Variants in MTIF3 observed in about 807,000 individuals in gnomAD.
MTIF3 encodes translation initiation factor IF-3, mitochondrial.
MTIF3 carries 13 observed loss-of-function variants against 20.7 expected under a neutral mutation model. That is an observed-to-expected ratio of 0.63 (90% confidence interval 0.41 to 1.00). MTIF3 has a LOEUF of 1.00. MTIF3 is among the 50% of genes least tolerant of loss of function. The pLI, the probability that MTIF3 is intolerant of heterozygous loss-of-function variation, is 0.00. For synonymous variants in MTIF3, 114 were observed against 112.5 expected, an observed-to-expected ratio of 1.01 and a Z score of -0.08; for missense variants, 295 against 324.5, an observed-to-expected ratio of 0.91 and a Z score of 0.70.
At chr13:27,438,483 GTTTTTT>G (rs61052475) in intron 3 of MTIF3, among the ~76,000 whole-genome samples, 27 of 107,134 alleles carry the variant, frequency 2.5e-4, no homozygotes, top group African/African-American at 5.5e-4. Context: ...GAGCAAGACT[GTTTTTT>G]TTTTTTTTTT....
intron 4 of MTIF3, 124 bp from the exon 5 acceptor site, chr13:27,436,017 T>C: frequency 1.4e-6 from 1 of 700,984 alleles, no homozygotes; most frequent in East Asian, 2.7e-5. Context: ...AGTGATTAGC[T>C]AATCAGTTCA....
intron 3 of MTIF3, 55 bp from the exon 4 acceptor site, chr13:27,437,328 G>T: frequency 2.0e-6 from 3 of 1,497,724 alleles, no homozygotes; most frequent in Non-Finnish European, 1.8e-6. Flanking sequence ...TGTGAACCCT[G>T]AACTTCCCAA....
At chr13:27,436,766 T>G (rs1024275264) in intron 4 of MTIF3, among the ~76,000 whole-genome samples, 6 of 146,922 alleles carry the variant, frequency 4.1e-5, no homozygotes, top group African/African-American at 1.5e-4. Context: ...TTTTTTTTTT[T>G]TTTGAGACGG....
chr13:27,448,966 G>A (rs1954265422), intron 1 of MTIF3, among the ~76,000 whole-genome samples: 2 of 139,878 alleles, frequency 1.4e-5, no homozygotes, highest in Admixed American at 7.4e-5. Context: ...ACTTGAACCC[G>A]GGAAGCAGAG....
rs1954334576 is a variant in MTIF3, at chr13:27,450,491, C to G, written c.-71+18G>C. The G allele has an allele frequency of 2.0e-5, 3 of 152,502 alleles. No homozygotes were observed. The highest frequency in any genetic ancestry group is 2.0e-4 in the Admixed American group (3 of 15,290). The allele number at this position is 152,502 out of a possible 1,614,324, so 9.4% of individuals were successfully genotyped here. A position where few individuals can be genotyped will look rare whatever the true frequency, so the allele number is the denominator to read the frequency against. ...GCCGGTCCGCGCACCGCTCCGCACGCCTCATATTTAGCATTACCTGTGCTG... is the reference window on the plus strand; with the variant it reads ...GCCGGTCCGCGCACCGCTCCGCACGGCTCATATTTAGCATTACCTGTGCTG... On this transcript the variant is annotated intron_variant, in intron 1 of 4. Transcript: ENST00000381120.
intron 1 of MTIF3, among the ~76,000 whole-genome samples, chr13:27,446,520 T>C (rs1954186023): frequency 6.6e-6 from 1 of 152,214 alleles, no homozygotes; most frequent in African/African-American, 2.4e-5. Context: ...GTTATACGGG[T>C]GTTCAATAAT....
intron 4 of MTIF3, 29 bp downstream of exon 4, chr13:27,437,087 A>G: frequency 6.2e-7 from 1 of 1,605,778 alleles, no homozygotes; most frequent in Non-Finnish European, 8.5e-7. Flanking sequence ...CCCAAAGCAC[A>G]AGCAGTGGCT....
chr13:27,450,077 T>C (rs1208167057), intron 1 of MTIF3: 1 of 152,312 alleles, frequency 6.6e-6, no homozygotes, highest in Non-Finnish European at 1.5e-5. Context: ...TGCCAGGCAG[T>C]AAGCCGCAAG....
chr13:27,445,769 G>C (rs890844366), intron 1 of MTIF3, among the ~76,000 whole-genome samples: 3 of 152,186 alleles, frequency 2.0e-5, no homozygotes, highest in Non-Finnish European at 4.4e-5. Flanking sequence ...ACCTGAACCT[G>C]ATGCAGGGTC....
chr13:27,441,520 C>T (rs1399210440), intron 2 of MTIF3, among the ~76,000 whole-genome samples: 1 of 152,224 alleles, frequency 6.6e-6, no homozygotes, highest in Non-Finnish European at 1.5e-5. Context: ...GTGTTAATTA[C>T]TACCAAATGT....
At position 27,435,714 on chromosome 13, in the gene MTIF3, G is replaced by A. The variant is rs7669; in HGVS notation, c.798C>T (p.Asp266=). 272,743 of 1,613,172 alleles carry A rather than the reference G, an allele frequency of 0.17. 24,505 individuals carry two copies. Among genetic ancestry groups the A allele is most frequent in the Non-Finnish European group, 0.18 (216,001 of 1,179,300 alleles). ...ETQERDTLNK[D]HGNDKESNVL... The stretch of plus-strand genomic sequence containing the variant: ...CATTTGATTCCTTATCATTTCCATG[G>A]TCTTTGTTCAAAGTGTCTCTTTCCT... Residue 266 remains aspartate (D), a synonymous_variant, in exon 5 of 5, where the codon GAC becomes GAT. Transcript: ENST00000381120.
intron 1 of MTIF3, among the ~76,000 whole-genome samples, chr13:27,447,720 G>C (rs999331414): frequency 2.4e-4 from 3 of 12,650 alleles, no homozygotes; most frequent in African/African-American, 1.1e-3. Flanking sequence ...CTATTGTTCT[G>C]ATTTTTTCCC....
At chr13:27,446,062 TTC>T (rs1182529230) in intron 1 of MTIF3, among the ~76,000 whole-genome samples, 6 of 146,666 alleles carry the variant, frequency 4.1e-5, no homozygotes, top group Admixed American at 4.0e-4. Context: ...ATTTTCTTTT[TTC>T]TTTTTTTTTT....
chr13:27,443,066 G>A (rs989385077), intron 2 of MTIF3, among the ~76,000 whole-genome samples: 9 of 152,198 alleles, frequency 5.9e-5, no homozygotes, highest in Non-Finnish European at 1.0e-4. Flanking sequence ...CTACACCTTC[G>A]GATGTGTCAC....
At chr13:27,450,443 C>T (rs1310692337) in intron 1 of MTIF3, 66 bp downstream of exon 1, 1 of 152,470 alleles carries the variant, frequency 6.6e-6, no homozygotes, top group Non-Finnish European at 1.5e-5. Context: ...CAGGGGCGCC[C>T]CCTAAGGCCA....
At position 27,445,107 on chromosome 13, in the gene MTIF3, A is replaced by G. The variant is rs1954134995; in HGVS notation, c.-21T>C. The G allele has an allele frequency of 6.6e-6, 1 of 152,248 alleles. No individual in the cohort carries two copies. The highest frequency in any genetic ancestry group is 2.4e-5 in the African/African-American group (1 of 41,466). 9.4% of individuals were successfully genotyped at this position (152,248 alleles called of 1,614,324 possible). ...TCCTACCTTTTTTAGGAAGAACTGT[A>G]ATCATCCCCAGTTGATGAGGAGAAG... On this transcript the variant is annotated 5_prime_UTR_variant, in exon 2 of 5. Coordinates refer to ENST00000381120, the MANE Select transcript of MTIF3 (RefSeq NM_152912.5).
chr13:27,450,383 C>G (rs991737510), intron 1 of MTIF3, 126 bp downstream of exon 1: 2 of 151,314 alleles, frequency 1.3e-5, no homozygotes. Flanking sequence ...CCTCTCCGCC[C>G]TCGGTACCGG....
In MTIF3 at chr13:27,435,885, T is replaced by C. The variant is rs1232511274; in HGVS notation, c.627A>G (p.Ile209Met). 2 of 1,609,372 alleles carry C rather than the reference T, an allele frequency of 1.2e-6. No homozygotes were observed. Among genetic ancestry groups the C allele is most frequent in the South Asian group, 1.1e-5 (1 of 90,780 alleles). Reference sequence around the variant, plus strand: ...GCATAGTCTGGAGTATTTGATGAAATATCTCCTCCTAAAAAAGGGAAACAG... The same window carrying C: ...GCATAGTCTGGAGTATTTGATGAAACATCTCCTCCTAAAAAAGGGAAACAG... The part of the protein sequence containing the change: ...VDVSENEMEE[I>M]FHQILQTMPG... The change falls in exon 5 of 5, where the codon ATA (isoleucine) becomes ATG (methionine). Residue 209 changes from isoleucine (I) to methionine (M), a missense_variant. Ile to Met is a conservative substitution (Grantham distance 10). Coordinates refer to ENST00000381120, the MANE Select transcript of MTIF3 (RefSeq NM_152912.5).
intron 1 of MTIF3, among the ~76,000 whole-genome samples, chr13:27,446,560 C>A (rs191193943): frequency 6.6e-6 from 1 of 152,094 alleles, no homozygotes; most frequent in African/African-American, 2.4e-5. Context: ...AAATCAATAG[C>A]CTAGAGGGAG....
Sources: allele counts gnomAD v4.1 joint callset (sites outside exome capture counted in the v4.1 genomes callset), GRCh38; gene constraint gnomAD v4.1.1; transcripts MANE v1.5; gene names NCBI Gene and HGNC (gene_info 2026-07-23, HGNC 2026-07-21).